MAGI1: variants seen among roughly 807,000 people sequenced by gnomAD.
MAGI1 encodes membrane-associated guanylate kinase, WW and PDZ domain-containing protein 1.
In MAGI1, 58 loss-of-function variants were observed where a neutral mutation model predicts 139.9. The observed-to-expected ratio is 0.41, with a 90% CI of 0.34 to 0.52. The LOEUF is 0.52. MAGI1 is among the 20% of genes least tolerant of loss of function. MAGI1 has a pLI of 0.12. For missense variants in MAGI1, 1,874 were observed against 1,901.6 expected, an observed-to-expected ratio of 0.99 and a Z score of 0.27; for synonymous variants, 812 against 737.9, an observed-to-expected ratio of 1.10 and a Z score of -1.63.
chr3:65,982,561 C>T (rs983509182), intron 1 of MAGI1, among the ~76,000 whole-genome samples: 1 of 152,126 alleles, frequency 6.6e-6, no homozygotes, highest in Non-Finnish European at 1.5e-5. Context: ...CCTAATAAAT[C>T]AATGCTTTTA....
At chr3:65,566,906 T>C (rs1400133456) in intron 2 of MAGI1, among the ~76,000 whole-genome samples, 2 of 152,198 alleles carry the variant, frequency 1.3e-5, no homozygotes, top group East Asian at 3.9e-4. Flanking sequence ...CGTCTTTAGA[T>C]ATATTAATTA....
intron 1 of MAGI1, among the ~76,000 whole-genome samples, chr3:65,861,005 G>C (rs2059538458): frequency 6.6e-6 from 1 of 152,164 alleles, no homozygotes; most frequent in Non-Finnish European, 1.5e-5. Flanking sequence ...GAAGGGCATA[G>C]GTTGTTCTTT....
chr3:65,551,639 T>C (rs575487861), intron 2 of MAGI1, among the ~76,000 whole-genome samples: 2 of 152,318 alleles, frequency 1.3e-5, no homozygotes, highest in East Asian at 1.9e-4. Flanking sequence ...GGGAAGTTTA[T>C]AGCAGTGTGA....
intron 1 of MAGI1, among the ~76,000 whole-genome samples, chr3:65,914,777 T>C (rs1349447494): frequency 6.6e-6 from 1 of 152,226 alleles, no homozygotes; most frequent in African/African-American, 2.4e-5. Flanking sequence ...ATTTACAGGA[T>C]ATATGTACAT....
chr3:65,845,102 T>G (rs2058941495), intron 1 of MAGI1, among the ~76,000 whole-genome samples: 1 of 152,012 alleles, frequency 6.6e-6, no homozygotes, highest in Admixed American at 6.6e-5. Context: ...AATACAAAAC[T>G]TAGCTGGGTG....
intron 7 of MAGI1, among the ~76,000 whole-genome samples, chr3:65,443,158 C>T (rs1948460263): frequency 6.6e-6 from 1 of 152,100 alleles, no homozygotes; most frequent in South Asian, 2.1e-4. Flanking sequence ...GCCTTGAATG[C>T]CTAGTTCCTA....
At chr3:65,934,764 T>C (rs2062967370) in intron 1 of MAGI1, among the ~76,000 whole-genome samples, 1 of 151,220 alleles carries the variant, frequency 6.6e-6, no homozygotes, top group East Asian at 1.9e-4. Flanking sequence ...AAGAAAAAGT[T>C]GTTGTTTTTT....
intron 1 of MAGI1, among the ~76,000 whole-genome samples, chr3:65,979,287 C>T (rs2065443358): frequency 6.6e-6 from 1 of 152,252 alleles, no homozygotes; most frequent in African/African-American, 2.4e-5. Context: ...CAAATGATCA[C>T]ATTCCCGGGG....
intron 1 of MAGI1, among the ~76,000 whole-genome samples, chr3:65,721,218 A>G (rs1177143762): frequency 6.6e-6 from 1 of 152,186 alleles, no homozygotes; most frequent in Non-Finnish European, 1.5e-5. Context: ...AGGGTATAAC[A>G]TAACACACAC....
chr3:66,001,992 C>A (rs1044615800), intron 1 of MAGI1, among the ~76,000 whole-genome samples: 8 of 152,286 alleles, frequency 5.3e-5, no homozygotes, highest in Admixed American at 3.9e-4. Flanking sequence ...CCACTTCCCG[C>A]CTCAAGTCTT....
chr3:65,912,043 G>A (rs1228923735), intron 1 of MAGI1, among the ~76,000 whole-genome samples: 1 of 152,174 alleles, frequency 6.6e-6, no homozygotes, highest in Non-Finnish European at 1.5e-5. Context: ...AATCACTGAT[G>A]ATAGAACTTG....
intron 1 of MAGI1, among the ~76,000 whole-genome samples, chr3:65,672,930 C>T (rs2086953362): frequency 6.6e-6 from 1 of 152,146 alleles, no homozygotes; most frequent in African/African-American, 2.4e-5. Flanking sequence ...GCCACCAGGC[C>T]ATAATCAAGT....
At chr3:65,727,983 C>G (rs2033796373) in intron 1 of MAGI1, among the ~76,000 whole-genome samples, 1 of 151,924 alleles carries the variant, frequency 6.6e-6, no homozygotes, top group Non-Finnish European at 1.5e-5. Context: ...CAATTAGTAC[C>G]CCCACCCAAA....
chr3:65,980,108 C>CTT (rs1167157161), intron 1 of MAGI1, among the ~76,000 whole-genome samples: 1 of 152,156 alleles, frequency 6.6e-6, no homozygotes, highest in Admixed American at 6.5e-5. Flanking sequence ...ACAGTGGTGG[C>CTT]TTTAAGGTCC....
At chr3:65,693,164 G>C (rs1444313779) in intron 1 of MAGI1, among the ~76,000 whole-genome samples, 1 of 152,030 alleles carries the variant, frequency 6.6e-6, no homozygotes, top group Non-Finnish European at 1.5e-5. Context: ...AGGCTTGTCT[G>C]GAACTCCCAT....
intron 1 of MAGI1, among the ~76,000 whole-genome samples, chr3:66,011,907 T>A (rs1376874439): frequency 6.6e-6 from 1 of 151,188 alleles, no homozygotes; most frequent in Non-Finnish European, 1.5e-5. Flanking sequence ...GTTATTTGGA[T>A]TGTCCTTTTT....
chr3:65,386,718 G>A (rs978719020), intron 14 of MAGI1, among the ~76,000 whole-genome samples: 2 of 152,128 alleles, frequency 1.3e-5, no homozygotes, highest in African/African-American at 2.4e-5. Context: ...TTTTTTGAGT[G>A]AGGCTAAATC....
chr3:65,775,581 T>C (rs1213189090), intron 1 of MAGI1, among the ~76,000 whole-genome samples: 2 of 132,200 alleles, frequency 1.5e-5, no homozygotes, highest in South Asian at 2.4e-4. Context: ...AGACAAAAAA[T>C]GTGCAGTTAC....
chr3:65,813,030 G>GAA (rs71281377), intron 1 of MAGI1, among the ~76,000 whole-genome samples: 579 of 141,062 alleles, frequency 4.1e-3, no homozygotes, highest in African/African-American at 0.011. Context: ...TTTTCTAAAA[G>GAA]AAAAAAAAAA....
Sources: gnomAD v4.1 joint callset for allele counts (sites outside exome capture counted in the v4.1 genomes callset) on GRCh38, gnomAD v4.1.1 for gene constraint, MANE v1.5 for transcripts, NCBI Gene and HGNC (gene_info 2026-07-23, HGNC 2026-07-21) for gene names.